CABLES1: variants seen among roughly 807,000 people sequenced by gnomAD.
CABLES1 encodes the protein CDK5 and ABL1 enzyme substrate 1.
In CABLES1, 36 loss-of-function variants were observed where a neutral mutation model predicts 57.8. That is an observed-to-expected ratio of 0.62 (90% CI 0.48 to 0.82). The LOEUF is 0.82. CABLES1 is among the 40% of genes least tolerant of loss of function. CABLES1 has a pLI of 0.00. For synonymous variants in CABLES1, 374 were observed against 363.0 expected (o/e 1.03, Z -0.35); for missense variants, 767 against 836.6 (o/e 0.92, Z 1.03).
At chr18:23,227,028 G>A (rs558623415) in intron 4 of CABLES1, 5 of 152,200 alleles carry the variant, frequency 3.3e-5, no homozygotes, top group Admixed American at 6.5e-5. Flanking sequence ...TCCCAGTGGA[G>A]TTGCAAGGTG....
chr18:23,252,742 C>T (rs2048069182), intron 7 of CABLES1, among the ~76,000 whole-genome samples: 1 of 152,184 alleles, frequency 6.6e-6, no homozygotes, highest in Non-Finnish European at 1.5e-5. Context: ...TCCTAAGTGT[C>T]ACCTCATCCT....
chr18:23,193,213 A>T (rs1241046720), intron 2 of CABLES1, among the ~76,000 whole-genome samples: 1 of 118,484 alleles, frequency 8.4e-6, no homozygotes, highest in African/African-American at 3.9e-5. Context: ...TTTTTTCCAG[A>T]CTGTGTCTCA....
intron 2 of CABLES1, among the ~76,000 whole-genome samples, chr18:23,193,255 G>A (rs575871575): frequency 1.3e-5 from 2 of 150,342 alleles, no homozygotes; most frequent in Non-Finnish European, 2.9e-5. Flanking sequence ...ACAGTGGCAC[G>A]ATCTTGGCTC....
intron 7 of CABLES1, among the ~76,000 whole-genome samples, chr18:23,252,618 A>T (rs2048065846): frequency 6.6e-6 from 1 of 152,180 alleles, no homozygotes; most frequent in African/African-American, 2.4e-5. Flanking sequence ...GTCTGTGCAC[A>T]TCCAAGCCCC....
At chr18:23,219,587 T>A (rs528138121) in intron 4 of CABLES1, among the ~76,000 whole-genome samples, 2 of 152,150 alleles carry the variant, frequency 1.3e-5, no homozygotes, top group Non-Finnish European at 2.9e-5. Context: ...CCAGCCACAC[T>A]CAGCATCCAG....
intron 1 of CABLES1, among the ~76,000 whole-genome samples, chr18:23,164,585 T>C (rs1418808854): frequency 2.0e-5 from 3 of 152,162 alleles, no homozygotes; most frequent in African/African-American, 7.2e-5. Flanking sequence ...AAAAGGGATT[T>C]CTGTGTGCCA....
intron 1 of CABLES1, among the ~76,000 whole-genome samples, chr18:23,154,713 A>G (rs998684695): frequency 1.3e-5 from 2 of 152,198 alleles, no homozygotes; most frequent in Admixed American, 6.5e-5. Context: ...TTTTCTCACC[A>G]AGTCATGTAG....
chr18:23,222,631 A>G (rs947765851), intron 4 of CABLES1, among the ~76,000 whole-genome samples: 1 of 151,190 alleles, frequency 6.6e-6, no homozygotes, highest in African/African-American at 2.4e-5. Context: ...ATAGATATAG[A>G]TATAGATATA....
intron 1 of CABLES1, among the ~76,000 whole-genome samples, chr18:23,144,572 T>G (rs2046879707): frequency 6.6e-6 from 1 of 152,228 alleles, no homozygotes; most frequent in Non-Finnish European, 1.5e-5. Context: ...TATGTTGTTT[T>G]ATTTGCGTGG....
intron 1 of CABLES1, among the ~76,000 whole-genome samples, chr18:23,136,865 G>C (rs1354875708): frequency 6.6e-6 from 1 of 152,240 alleles, no homozygotes; most frequent in African/African-American, 2.4e-5. Context: ...GTCGGGAATT[G>C]GGAGTTGCAG....
At chr18:23,225,199 C>G (rs2047519430) in intron 4 of CABLES1, among the ~76,000 whole-genome samples, 1 of 152,206 alleles carries the variant, frequency 6.6e-6, no homozygotes, top group African/African-American at 2.4e-5. Flanking sequence ...CTTTCTAGAT[C>G]TACTTGAACT....
At chr18:23,140,783 A>G (rs977946153) in intron 1 of CABLES1, among the ~76,000 whole-genome samples, 9 of 152,072 alleles carry the variant, frequency 5.9e-5, no homozygotes, top group Admixed American at 2.6e-4. Context: ...CTCTGAGAAC[A>G]CTTGGGTTAG....
chr18:23,227,226 G>A (rs958703727), intron 4 of CABLES1, among the ~76,000 whole-genome samples: 1 of 151,860 alleles, frequency 6.6e-6, no homozygotes, highest in Non-Finnish European at 1.5e-5. Flanking sequence ...CTCCCTGCCT[G>A]GCTCCAGGCC....
chr18:23,236,038 G>T lies in CABLES1; in HGVS notation c.1329G>T (p.Gly443=). ...TAGGCCGGGCAAGCGGCACCCAGGGGAGCCTCGACACAGGTAACCTTGGCC... is the reference window on the plus strand; with the variant it reads ...TAGGCCGGGCAAGCGGCACCCAGGGTAGCCTCGACACAGGTAACCTTGGCC... The part of the protein sequence containing the change: ...LSIGRASGTQ[G]SLDTGSDLGD... Residue 443 remains glycine (G), a synonymous_variant, in exon 6 of 10, where the codon GGG becomes GGT. Transcript: ENST00000256925. The T allele has an allele frequency of 6.2e-7, 1 of 1,614,154 alleles. No homozygotes were observed. The highest frequency in any genetic ancestry group is 8.5e-7 in the Non-Finnish European group (1 of 1,180,038).
In CABLES1 at chr18:23,184,308, C is replaced by CGTGTGTGTGTGT. The variant is rs61158856; in HGVS notation, c.846-4507_846-4496dup. Among the ~76,000 whole-genome samples, 536 of 146,414 alleles carry CGTGTGTGTGTGT rather than the reference C, an allele frequency of 3.7e-3. 4 individuals are homozygous for CGTGTGTGTGTGT. The highest frequency in any genetic ancestry group is 0.013 in the African/African-American group (511 of 39,844). Reference sequence around the variant, plus strand: ...TAATGTGTGCCCTTGCATACTGGCACGTGTGTGTGTGTGTGTGTGTGTGTG... The same window carrying CGTGTGTGTGTGT: ...TAATGTGTGCCCTTGCATACTGGCACGTGTGTGTGTGTGTGTGTGTGTGTGTGTGTGTGTGTG... On this transcript the variant is annotated intron_variant, in intron 1 of 9. Coordinates refer to ENST00000256925, the MANE Select transcript of CABLES1 (RefSeq NM_001100619.3).
At chr18:23,213,845 C>A in intron 3 of CABLES1, 132 bp from the exon 4 acceptor site, 1 of 606,202 alleles carries the variant, frequency 1.6e-6, no homozygotes, top group Non-Finnish European at 2.9e-6. Context: ...ATACCATCTG[C>A]CAGAGGAGGT....
intron 3 of CABLES1, chr18:23,197,288 C>T (rs1403224010): frequency 1.3e-5 from 2 of 152,228 alleles, no homozygotes; most frequent in Non-Finnish European, 2.9e-5. Context: ...TCCATGTTCA[C>T]CCGTGAGGAA....
At chr18:23,192,133 C>T (rs1271063248) in intron 2 of CABLES1, among the ~76,000 whole-genome samples, 1 of 152,272 alleles carries the variant, frequency 6.6e-6, no homozygotes, top group South Asian at 2.1e-4. Context: ...ACTGAGCATG[C>T]GTCATGAGAG....
chr18:23,135,035 A>C (rs1454581165), upstream of CABLES1, among the ~76,000 whole-genome samples: 4 of 152,180 alleles, frequency 2.6e-5, no homozygotes, highest in Non-Finnish European at 4.4e-5. Flanking sequence ...GGGTCCAAGT[A>C]ACTCGCTCGC....
Sources: gnomAD v4.1 joint callset for allele counts (sites outside exome capture counted in the v4.1 genomes callset) on GRCh38, gnomAD v4.1.1 for gene constraint, MANE v1.5 for transcripts, NCBI Gene and HGNC (gene_info 2026-07-23, HGNC 2026-07-21) for gene names.